CTNNA3: variants seen among roughly 807,000 people sequenced by gnomAD.
CTNNA3 encodes catenin alpha 3, also known as catenin alpha-3.
A neutral mutation model predicts 95.7 loss-of-function variants in CTNNA3; 76 were observed. That is an observed-to-expected ratio of 0.79 (90% CI 0.66 to 0.96). CTNNA3 has a LOEUF of 0.96. Among genes scored for constraint, CTNNA3 ranks in the 40% least tolerant of loss-of-function variants. The pLI, the probability that CTNNA3 is intolerant of heterozygous loss-of-function variation, is 0.00. For missense variants in CTNNA3, 1,191 were observed against 1,089.8 expected, an observed-to-expected ratio of 1.09 and a Z score of -1.31; for synonymous variants, 431 against 374.4, an observed-to-expected ratio of 1.15 and a Z score of -1.74.
chr10:66,648,013 T>C (rs963270312), intron 9 of CTNNA3, among the ~76,000 whole-genome samples: 4 of 152,064 alleles, frequency 2.6e-5, no homozygotes, highest in East Asian at 1.9e-4. Context: ...CTATAAAAAT[T>C]TGGAGCACCT....
chr10:67,588,576 T>C (rs1412888774), intron 3 of CTNNA3, among the ~76,000 whole-genome samples: 2 of 151,996 alleles, frequency 1.3e-5, no homozygotes, highest in African/African-American at 2.4e-5. Context: ...CAGGCTTTAG[T>C]GGTAGTAGTG....
At chr10:66,081,482 A>T (rs958724568) in intron 14 of CTNNA3, among the ~76,000 whole-genome samples, 2 of 152,102 alleles carry the variant, frequency 1.3e-5, no homozygotes, top group African/African-American at 4.8e-5. Context: ...AGTAAAATTT[A>T]AAAAAAGAAA....
At chr10:66,008,977 G>A (rs1482152984) in intron 15 of CTNNA3, among the ~76,000 whole-genome samples, 1 of 152,052 alleles carries the variant, frequency 6.6e-6, no homozygotes, top group Non-Finnish European at 1.5e-5. Context: ...GCACGCACCT[G>A]TAATCCCAGC....
At chr10:66,379,486 T>TA (rs2092820518) in intron 11 of CTNNA3, 134 bp from the exon 12 acceptor site, 4 of 751,556 alleles carry the variant, frequency 5.3e-6, no homozygotes, top group African/African-American at 3.5e-5. Context: ...TTGAGAATTA[T>TA]AAAAAAATTG....
chr10:66,551,865 C>T (rs1366962579), intron 10 of CTNNA3, among the ~76,000 whole-genome samples: 1 of 145,480 alleles, frequency 6.9e-6, no homozygotes, highest in South Asian at 2.2e-4. Context: ...TGTACAGGTT[C>T]ATTCACGGGA....
intron 7 of CTNNA3, among the ~76,000 whole-genome samples, chr10:66,876,021 T>G (rs1844607972): frequency 6.6e-6 from 1 of 152,140 alleles, no homozygotes; most frequent in African/African-American, 2.4e-5. Flanking sequence ...TAAGAAAAAT[T>G]GAGACCATGC....
At chr10:66,691,794 C>T (rs1401609755) in intron 9 of CTNNA3, among the ~76,000 whole-genome samples, 5 of 152,152 alleles carry the variant, frequency 3.3e-5, no homozygotes, top group East Asian at 1.9e-4. Flanking sequence ...CAGCAGCATT[C>T]GCGGTTCACA....
intron 5 of CTNNA3, among the ~76,000 whole-genome samples, chr10:67,473,116 C>G (rs988163067): frequency 7.9e-5 from 12 of 152,114 alleles, no homozygotes; most frequent in African/African-American, 2.9e-4. Context: ...AGATGTATGA[C>G]AAAATGAATG....
chr10:67,456,700 A>G (rs1564662602), intron 5 of CTNNA3, among the ~76,000 whole-genome samples: 1 of 152,142 alleles, frequency 6.6e-6, no homozygotes, highest in Non-Finnish European at 1.5e-5. Flanking sequence ...TCAGGCCCCA[A>G]CTTATAATCA....
intron 10 of CTNNA3, among the ~76,000 whole-genome samples, chr10:66,595,969 T>C (rs925635496): frequency 1.3e-5 from 2 of 151,922 alleles, no homozygotes; most frequent in East Asian, 1.9e-4. Flanking sequence ...TTGTTGACTT[T>C]TGACTCATTT....
At chr10:67,534,792 G>C (rs1179691938) in intron 4 of CTNNA3, among the ~76,000 whole-genome samples, 1 of 152,068 alleles carries the variant, frequency 6.6e-6, no homozygotes, top group East Asian at 1.9e-4. Flanking sequence ...GCAAAAGCTT[G>C]GAGACAGAGT....
chr10:67,018,365 C>A (rs1326945218), intron 7 of CTNNA3, among the ~76,000 whole-genome samples: 1 of 152,192 alleles, frequency 6.6e-6, no homozygotes, highest in Non-Finnish European at 1.5e-5. Context: ...TTTTTAAAGG[C>A]AACACCCCTT....
intron 10 of CTNNA3, among the ~76,000 whole-genome samples, chr10:66,618,963 C>T (rs1450739008): frequency 2.0e-5 from 3 of 152,146 alleles, no homozygotes; most frequent in South Asian, 2.1e-4. Context: ...TGAAAAAATG[C>T]TCATCATCAC....
intron 7 of CTNNA3, chr10:66,926,112 T>C (rs1202489727): frequency 2.2e-6 from 1 of 458,714 alleles, no homozygotes; most frequent in Admixed American, 2.3e-5. Flanking sequence ...CTCTCCTGCC[T>C]TCTGGGCTCC....
rs71474007 is a variant in CTNNA3, at chr10:66,024,085, A to ATTTTTTTTT, written c.2160-35297_2160-35289dup. 1.6e-3 allele frequency among the ~76,000 whole-genome samples: 140 copies of ATTTTTTTTT among 87,746 alleles called. 8 individuals are homozygous for ATTTTTTTTT. The highest frequency in any genetic ancestry group is 2.0e-3 in the Non-Finnish European group (98 of 48,062). 57.6% of individuals were successfully genotyped at this position (87,746 alleles called of 152,430 possible). On this transcript the variant is annotated intron_variant, in intron 15 of 17. Coordinates refer to ENST00000433211, the MANE Select transcript of CTNNA3 (RefSeq NM_013266.4). ...TATCACAGAAACTTATACCATACAC[A>ATTTTTTTTT]TTTTTTTTTTTTTTTTTTTTTTGAG... is the stretch of plus-strand genomic sequence containing the variant.
chr10:66,241,061 A>G (rs2090083270), intron 13 of CTNNA3, among the ~76,000 whole-genome samples: 1 of 152,140 alleles, frequency 6.6e-6, no homozygotes, highest in South Asian at 2.1e-4. Flanking sequence ...TCAGGTAGAG[A>G]AGAAGAAAAA....
chr10:66,117,502 T>A (rs1380883649), intron 13 of CTNNA3, among the ~76,000 whole-genome samples: 3 of 152,176 alleles, frequency 2.0e-5, no homozygotes, highest in Non-Finnish European at 4.4e-5. Context: ...GGGGACCACA[T>A]ATTTTGTTGT....
At chr10:66,726,816 T>C (rs1379391311) in intron 9 of CTNNA3, among the ~76,000 whole-genome samples, 5 of 152,078 alleles carry the variant, frequency 3.3e-5, no homozygotes, top group Admixed American at 2.6e-4. Context: ...TTGTTTCATA[T>C]GTAAGTAAAG....
At chr10:67,360,586 T>A (rs1259123494) in intron 5 of CTNNA3, among the ~76,000 whole-genome samples, 1 of 151,694 alleles carries the variant, frequency 6.6e-6, no homozygotes, top group Non-Finnish European at 1.5e-5. Flanking sequence ...ATAAAAGAGG[T>A]TTAATTGACT....
Sources: allele counts gnomAD v4.1 joint callset (sites outside exome capture counted in the v4.1 genomes callset), GRCh38; gene constraint gnomAD v4.1.1; transcripts MANE v1.5; gene names NCBI Gene and HGNC (gene_info 2026-07-23, HGNC 2026-07-21).